STK33: variants seen among roughly 807,000 people sequenced by gnomAD.
The protein encoded by STK33 is serine/threonine kinase 33, also known as serine/threonine-protein kinase 33.
In STK33, 52 loss-of-function variants were observed where a neutral mutation model predicts 58.0. That is an observed-to-expected ratio of 0.90 (90% confidence interval 0.72 to 1.13). The LOEUF (loss-of-function observed/expected upper bound fraction) is 1.13. Among genes scored for constraint, STK33 ranks in the 50% most tolerant of loss-of-function variants. The pLI, the probability that STK33 is intolerant of heterozygous loss-of-function variation, is 0.00. For missense variants in STK33, 630 were observed against 604.2 expected, an observed-to-expected ratio of 1.04 and a Z score of -0.45; for synonymous variants, 215 against 200.1, an observed-to-expected ratio of 1.07 and a Z score of -0.63.
At chr11:8,369,526 C>T in the STK33 span, among the ~76,000 whole-genome samples, 1 of 103,302 alleles carries the variant, frequency 9.7e-6, no homozygotes, top group Non-Finnish European at 1.8e-5. Context: ...AGCTTCCTTG[C>T]AGGTGGGGGC....
At chr11:8,587,791 G>C (rs934016929) in intron 1 of STK33, among the ~76,000 whole-genome samples, 6 of 151,960 alleles carry the variant, frequency 3.9e-5, no homozygotes, top group African/African-American at 1.2e-4. Flanking sequence ...TTACAATCCT[G>C]AAAAAAAGAT....
At chr11:8,554,377 C>A (rs548566880) in intron 1 of STK33, among the ~76,000 whole-genome samples, 358 of 149,474 alleles carry the variant, frequency 2.4e-3, no homozygotes, top group Non-Finnish European at 4.2e-3. Context: ...CCAGATCACG[C>A]CACTGCACTC....
At chr11:8,534,696 A>G (rs1266537296) in intron 1 of STK33, among the ~76,000 whole-genome samples, 2 of 151,940 alleles carry the variant, frequency 1.3e-5, no homozygotes, top group Non-Finnish European at 1.5e-5. Context: ...TTTGTAACAT[A>G]TTAAATCATC....
chr11:8,457,489 T>C lies in STK33; in HGVS notation c.559-10A>G, dbSNP rs751834933. The C allele has an allele frequency of 4.9e-5, 78 of 1,584,660 alleles. No individual in the cohort carries two copies. The Middle Eastern group carries it at 5.0e-4, about 10-fold the overall frequency. On this transcript the variant is annotated splice_polypyrimidine_tract_variant and intron_variant, in intron 8 of 15. Coordinates refer to ENST00000687296, the MANE Select transcript of STK33 (RefSeq NM_001352389.2). ...TCACAAGGTACATTTTCTGACATTA[T>C]ATATATAAAAGAGAGAGAGAGCAAA...
At chr11:8,525,156 T>G (rs947688160) in intron 1 of STK33, among the ~76,000 whole-genome samples, 1 of 152,270 alleles carries the variant, frequency 6.6e-6, no homozygotes, top group African/African-American at 2.4e-5. Context: ...ATTGAAAGAT[T>G]CAGTATTTTT....
At chr11:8,434,227 A>G in intron 14 of STK33, 1 of 167,910 alleles carries the variant, frequency 6.0e-6, no homozygotes, top group Non-Finnish European at 1.2e-5. Context: ...CAGCCTGGTG[A>G]CAGAGCGAGA....
In STK33 at chr11:8,448,615, C is replaced by G. The variant is rs1945839055; in HGVS notation, c.871+4207G>C. On this transcript the variant is annotated intron_variant, in intron 11 of 15. Transcript: ENST00000687296. Reference sequence around the variant, plus strand: ...CTGAAACTGGATCCCTTCCTTACACCTTATATAAAAATTAATTCAAGATGG... The same window carrying G: ...CTGAAACTGGATCCCTTCCTTACACGTTATATAAAAATTAATTCAAGATGG... Among the ~76,000 whole-genome samples, 9 of 152,222 alleles carry G rather than the reference C, an allele frequency of 5.9e-5. No homozygotes were observed. In the South Asian group the frequency reaches 1.9e-3, roughly 32 times the overall value.
At chr11:8,455,680 G>A (rs919754487) in intron 9 of STK33, among the ~76,000 whole-genome samples, 6 of 151,826 alleles carry the variant, frequency 4.0e-5, no homozygotes, top group African/African-American at 7.2e-5. Flanking sequence ...GCATGGTGGC[G>A]GGTGCCTATA....
At chr11:8,372,641 C>A in the STK33 span, among the ~76,000 whole-genome samples, 1 of 152,336 alleles carries the variant, frequency 6.6e-6, no homozygotes, top group Non-Finnish European at 1.5e-5. Context: ...GGTTGAAGGG[C>A]GGCTAGTCCT....
intron 2 of STK33, among the ~76,000 whole-genome samples, chr11:8,478,386 C>T (rs1028670105): frequency 6.6e-6 from 1 of 152,110 alleles, no homozygotes; most frequent in Admixed American, 6.5e-5. Flanking sequence ...AGGTACTGGA[C>T]ATAATATAAG....
chr11:8,439,351 A>C (rs1489136987), intron 12 of STK33, among the ~76,000 whole-genome samples: 1 of 152,168 alleles, frequency 6.6e-6, no homozygotes, highest in Non-Finnish European at 1.5e-5. Context: ...CTTTATGAGG[A>C]TACATAAAAG....
the STK33 span, among the ~76,000 whole-genome samples, chr11:8,351,407 C>G: frequency 6.6e-6 from 1 of 152,230 alleles, no homozygotes; most frequent in Non-Finnish European, 1.5e-5. Flanking sequence ...TTCATCAGGA[C>G]CCGGTGGCCA....
intron 13 of STK33, 74 bp from the exon 14 acceptor site, chr11:8,435,653 G>A: frequency 2.4e-6 from 2 of 840,148 alleles, no homozygotes; most frequent in Non-Finnish European, 3.5e-6. Flanking sequence ...AATTTTTTAG[G>A]ATTAGGTCAG....
chr11:8,567,502 C>T (rs368266016), intron 1 of STK33, among the ~76,000 whole-genome samples: 2 of 152,182 alleles, frequency 1.3e-5, no homozygotes, highest in African/African-American at 4.8e-5. Context: ...AGAGTCTTTA[C>T]AGGAACACAT....
At chr11:8,442,673 G>A (rs1021466142) in intron 11 of STK33, among the ~76,000 whole-genome samples, 2 of 152,156 alleles carry the variant, frequency 1.3e-5, no homozygotes, top group East Asian at 1.9e-4. Context: ...TTGCCAACAG[G>A]GGGATATGAA....
chr11:8,358,614 AG>A, the STK33 span, among the ~76,000 whole-genome samples: 1 of 152,006 alleles, frequency 6.6e-6, no homozygotes. Context: ...AGGAATGGCC[AG>A]GAACAGCTGG....
chr11:8,446,784 G>C (rs1173653013), intron 11 of STK33, among the ~76,000 whole-genome samples: 2 of 152,058 alleles, frequency 1.3e-5, no homozygotes, highest in Non-Finnish European at 2.9e-5. Context: ...ACTGAAACTA[G>C]ACTCCTTCCT....
chr11:8,350,492 A>G, the STK33 span, among the ~76,000 whole-genome samples: 28 of 152,138 alleles, frequency 1.8e-4, no homozygotes, highest in African/African-American at 6.3e-4. Flanking sequence ...GGCACACAAC[A>G]GGGAAGCTCA....
At chr11:8,579,502 T>C (rs1183102026) in intron 1 of STK33, among the ~76,000 whole-genome samples, 2 of 152,048 alleles carry the variant, frequency 1.3e-5, no homozygotes, top group Non-Finnish European at 2.9e-5. Context: ...TTTATCTCTC[T>C]TGTAGATGAA....
Sources: gnomAD v4.1 joint callset for allele counts (sites outside exome capture counted in the v4.1 genomes callset) on GRCh38, gnomAD v4.1.1 for gene constraint, MANE v1.5 for transcripts, NCBI Gene and HGNC (gene_info 2026-07-23, HGNC 2026-07-21) for gene names.